Variants in NTM observed in about 807,000 individuals in gnomAD.
NTM encodes IgLON family member 2.
In NTM, 13 loss-of-function variants were observed where a neutral mutation model predicts 42.1. The ratio of observed to expected loss-of-function variants is 0.31; its 90% CI spans 0.20 to 0.49. The LOEUF (loss-of-function observed/expected upper bound fraction) is 0.49. Ranked by LOEUF, NTM falls within the 20% of genes least tolerant of loss-of-function variation. The pLI is 0.99. For missense variants in NTM, 373 were observed against 452.8 expected (o/e 0.82, Z 1.60); for synonymous variants, 187 against 179.2 (o/e 1.04, Z -0.35).
chr11:131,846,632 A>C (rs2044938809), intron 1 of NTM, among the ~76,000 whole-genome samples: 1 of 152,308 alleles, frequency 6.6e-6, no homozygotes, highest in South Asian at 2.1e-4. Flanking sequence ...TTTGAATTTT[A>C]AATATAACTA....
intron 1 of NTM, among the ~76,000 whole-genome samples, chr11:131,736,492 T>C (rs978138260): frequency 6.6e-6 from 1 of 152,160 alleles, no homozygotes; most frequent in African/African-American, 2.4e-5. Context: ...TGGTGCCCGG[T>C]GGGAGGCGTA....
intron 1 of NTM, among the ~76,000 whole-genome samples, chr11:131,649,022 G>A (rs2134312822): frequency 6.6e-6 from 1 of 152,324 alleles, no homozygotes; most frequent in Middle Eastern, 3.4e-3. Flanking sequence ...GAGGTCCGCT[G>A]ATGTTGTGCC....
At chr11:132,295,001 T>G (rs1294198298) in intron 4 of NTM, among the ~76,000 whole-genome samples, 1 of 152,152 alleles carries the variant, frequency 6.6e-6, no homozygotes, top group Admixed American at 6.5e-5. Flanking sequence ...CTTCTCTTAT[T>G]AATTCCAGGC....
chr11:132,317,090 G>T (rs915065784), intron 7 of NTM, among the ~76,000 whole-genome samples: 1 of 152,122 alleles, frequency 6.6e-6, no homozygotes, highest in Non-Finnish European at 1.5e-5. Flanking sequence ...ATAGTCGGCG[G>T]TCTGGGAATA....
chr11:131,980,786 C>T (rs530023396), intron 2 of NTM, among the ~76,000 whole-genome samples: 10 of 152,208 alleles, frequency 6.6e-5, no homozygotes, highest in South Asian at 2.1e-4. Context: ...AAGTACAATC[C>T]GGAGTGACCA....
At chr11:131,718,719 AT>A (rs1466524370) in intron 1 of NTM, among the ~76,000 whole-genome samples, 1 of 151,922 alleles carries the variant, frequency 6.6e-6, no homozygotes, top group African/African-American at 2.4e-5. Context: ...CTCCCCTGGT[AT>A]TCTATTCTGA....
At chr11:132,023,479 C>T (rs891597189) in intron 2 of NTM, among the ~76,000 whole-genome samples, 3 of 152,158 alleles carry the variant, frequency 2.0e-5, no homozygotes, top group African/African-American at 4.8e-5. Context: ...GGTGTTGACC[C>T]TGGCTGCAGG....
chr11:131,584,089 A>C (rs1057174961), intron 1 of NTM, among the ~76,000 whole-genome samples: 3 of 152,200 alleles, frequency 2.0e-5, no homozygotes, highest in African/African-American at 7.2e-5. Flanking sequence ...GGATCCCAAT[A>C]CACTAGGACT....
chr11:132,012,075 C>T (rs1407933733), intron 2 of NTM, among the ~76,000 whole-genome samples: 1 of 152,100 alleles, frequency 6.6e-6, no homozygotes, highest in Non-Finnish European at 1.5e-5. Flanking sequence ...AGGGCAGAAG[C>T]GATGCTCTTT....
chr11:131,995,803 A>G (rs1420179275), intron 2 of NTM, among the ~76,000 whole-genome samples: 4 of 152,116 alleles, frequency 2.6e-5, no homozygotes. Flanking sequence ...ATCTTTCCCC[A>G]ATCAACTAAA....
intron 1 of NTM, among the ~76,000 whole-genome samples, chr11:131,401,558 A>T (rs1032186525): frequency 6.6e-6 from 1 of 151,636 alleles, no homozygotes; most frequent in Non-Finnish European, 1.5e-5. Flanking sequence ...AATTTCTGGA[A>T]TTCAGATGTC....
intron 1 of NTM, among the ~76,000 whole-genome samples, chr11:131,410,612 C>A (rs1390536036): frequency 6.6e-6 from 1 of 150,894 alleles, no homozygotes; most frequent in Non-Finnish European, 1.5e-5. Context: ...GGGACACTTC[C>A]CTGATTTCTT....
chr11:131,733,510 C>A (rs868473851), intron 1 of NTM, among the ~76,000 whole-genome samples: 2 of 142,082 alleles, frequency 1.4e-5, no homozygotes, highest in Non-Finnish European at 3.1e-5. Context: ...TTCCTTCCTT[C>A]CTTCCTTCCT....
chr11:131,810,442 C>A (rs900289101), intron 1 of NTM, among the ~76,000 whole-genome samples: 2 of 152,284 alleles, frequency 1.3e-5, no homozygotes, highest in South Asian at 4.1e-4. Context: ...CTGCACCCCC[C>A]AATCTGGACA....
At chr11:132,099,239 C>T (rs946667984) in intron 2 of NTM, among the ~76,000 whole-genome samples, 7 of 152,104 alleles carry the variant, frequency 4.6e-5, no homozygotes, top group Admixed American at 6.5e-5. Flanking sequence ...TAGTTGGCTC[C>T]AGGTTGATTG....
intron 1 of NTM, among the ~76,000 whole-genome samples, chr11:131,747,145 A>G (rs1312657819): frequency 6.6e-6 from 1 of 152,218 alleles, no homozygotes; most frequent in Non-Finnish European, 1.5e-5. Flanking sequence ...CTAGAGGGAA[A>G]CTAAGGCACA....
intron 2 of NTM, among the ~76,000 whole-genome samples, chr11:132,097,595 C>CA (rs760972751): frequency 6.6e-5 from 10 of 152,204 alleles, no homozygotes; most frequent in Non-Finnish European, 1.2e-4. Flanking sequence ...GTTGACATAA[C>CA]AACTGAGATA....
chr11:132,063,535 G>T (rs909043479), intron 2 of NTM, among the ~76,000 whole-genome samples: 1 of 152,176 alleles, frequency 6.6e-6, no homozygotes, highest in Non-Finnish European at 1.5e-5. Flanking sequence ...ACAGTACCCT[G>T]TTCAGAGATG....
At chr11:131,585,526 A>G (rs948104713) in intron 1 of NTM, among the ~76,000 whole-genome samples, 3 of 152,156 alleles carry the variant, frequency 2.0e-5, no homozygotes, top group Non-Finnish European at 4.4e-5. Flanking sequence ...CAACACCACC[A>G]TGTTGTGTGA....
Sources: allele counts gnomAD v4.1 joint callset (sites outside exome capture counted in the v4.1 genomes callset), GRCh38; gene constraint gnomAD v4.1.1; transcripts MANE v1.5; gene names NCBI Gene and HGNC (gene_info 2026-07-23, HGNC 2026-07-21).